PRRG4: variants seen among roughly 807,000 people sequenced by gnomAD.
PRRG4 encodes transmembrane gamma-carboxyglutamic acid protein 4.
In PRRG4, 12 loss-of-function variants were observed where a neutral mutation model predicts 20.0. The observed-to-expected ratio is 0.60, with a 90% CI of 0.38 to 0.97. The LOEUF is 0.97. Among genes scored for constraint, PRRG4 ranks in the 50% least tolerant of loss-of-function variants. The probability of loss-of-function intolerance (pLI) is 0.00; values close to 1 mark genes in which losing one functional copy is unlikely to be tolerated. For missense variants in PRRG4, 199 were observed against 265.1 expected (o/e 0.75, Z 1.73); for synonymous variants, 94 against 96.4 (o/e 0.98, Z 0.15).
chr11:32,849,701 G>C lies in PRRG4; in HGVS notation c.450-3595G>C, dbSNP rs143036358. Among the ~76,000 whole-genome samples the C allele has an allele frequency of 5.9e-3, 900 of 152,054 alleles. 12 individuals carry two copies. Among genetic ancestry groups the C allele is most frequent in the African/African-American group, 0.019 (798 of 41,518 alleles). Reference sequence around the variant, plus strand: ...AAAAATATAAAAAAATAAAGTAAAGGGACAGAAGGGAAAAGGACAAAGCCC... The same window carrying C: ...AAAAATATAAAAAAATAAAGTAAAGCGACAGAAGGGAAAAGGACAAAGCCC... On this transcript the variant is annotated intron_variant, in intron 5 of 5. Coordinates refer to ENST00000257836, the MANE Select transcript of PRRG4 (RefSeq NM_024081.6).
At chr11:32,841,326 A>T (rs1157154913) in intron 5 of PRRG4, among the ~76,000 whole-genome samples, 1 of 152,226 alleles carries the variant, frequency 6.6e-6, no homozygotes, top group African/African-American at 2.4e-5. Flanking sequence ...CTTTCAATTC[A>T]TATCAAGTAA....
At chr11:32,849,659 G>A (rs1323078363) in intron 5 of PRRG4, among the ~76,000 whole-genome samples, 6 of 152,128 alleles carry the variant, frequency 3.9e-5, no homozygotes, top group Admixed American at 6.5e-5. Context: ...GCGAGACTCC[G>A]TCTCAATAAA....
intron 5 of PRRG4, among the ~76,000 whole-genome samples, chr11:32,844,310 T>C (rs1448820024): frequency 6.6e-6 from 1 of 152,156 alleles, no homozygotes; most frequent in African/African-American, 2.4e-5. Flanking sequence ...CATGGGCTAC[T>C]GTATGAATGG....
intron 5 of PRRG4, among the ~76,000 whole-genome samples, chr11:32,851,753 C>T (rs1455486861): frequency 6.6e-6 from 1 of 152,110 alleles, no homozygotes; most frequent in Non-Finnish European, 1.5e-5. Flanking sequence ...GTTATCTATG[C>T]ATTTTTTTCC....
At chr11:32,845,027 G>A (rs924351100) in intron 5 of PRRG4, among the ~76,000 whole-genome samples, 3 of 151,676 alleles carry the variant, frequency 2.0e-5, no homozygotes, top group Non-Finnish European at 4.4e-5. Flanking sequence ...CTTCAAATTT[G>A]GTAGATCTAC....
intron 3 of PRRG4, among the ~76,000 whole-genome samples, chr11:32,838,649 G>C (rs972415319): frequency 5.3e-5 from 8 of 152,092 alleles, no homozygotes; most frequent in Admixed American, 4.6e-4. Context: ...AGTAGGCACA[G>C]TAGTAAAGAG....
intron 5 of PRRG4, among the ~76,000 whole-genome samples, chr11:32,843,031 C>T (rs181410832): frequency 2.0e-3 from 297 of 151,836 alleles, no homozygotes; most frequent in Non-Finnish European, 3.5e-3. Flanking sequence ...TTTGTAGAGA[C>T]GGGGTTTCAC....
Position 32,836,702 on chromosome 11 carries a change from C to T in PRRG4, c.148C>T (p.Leu50Phe). 2 of 1,607,382 alleles carry T rather than the reference C, an allele frequency of 1.2e-6. No homozygotes were observed. Among genetic ancestry groups the T allele is most frequent in the Non-Finnish European group, 1.7e-6 (2 of 1,174,512 alleles). Reference protein sequence around the residue: ...EEANFFIHRRLLYNRFDLELF... With the variant: ...EEANFFIHRRFLYNRFDLELF... ...AGCAAACTTTTTCATACATAGACGC[C>T]TTCTGTATAATAGATTTGATCTGGA... is the stretch of plus-strand genomic sequence containing the variant. The change falls in exon 3 of 6, where the codon CTT becomes TTT. Residue 50 changes from leucine (L) to phenylalanine (F), a missense_variant. Coordinates refer to ENST00000257836, the MANE Select transcript of PRRG4 (RefSeq NM_024081.6).
chr11:32,845,332 T>G (rs368813241), intron 5 of PRRG4, among the ~76,000 whole-genome samples: 1 of 152,096 alleles, frequency 6.6e-6, no homozygotes, highest in African/African-American at 2.4e-5. Flanking sequence ...ACTTGTAAGA[T>G]AGAGAACACT....
In PRRG4 at chr11:32,837,525, TGA is replaced by T. The variant is rs1565113759; in HGVS notation, c.267+705_267+706del. ...CTAACTGAGATGATGATGATGATGATGATGATGATGATGATGATTATTATTAT... is the reference window on the plus strand; with the variant it reads ...CTAACTGAGATGATGATGATGATGATTGATGATGATGATGATTATTATTAT... On this transcript the variant is annotated intron_variant, in intron 3 of 5. Coordinates refer to ENST00000257836, the MANE Select transcript of PRRG4 (RefSeq NM_024081.6). 1.4e-3 allele frequency among the ~76,000 whole-genome samples: 154 copies of T among 110,528 alleles called. 1 individual carries two copies. The highest frequency in any genetic ancestry group is 5.0e-3 in the African/African-American group (140 of 27,744). The allele number at this position is 110,528 out of a possible 152,430, so 72.5% of individuals were successfully genotyped here. A position where few individuals can be genotyped will look rare whatever the true frequency, so the allele number is the denominator to read the frequency against.
chr11:32,846,007 A>T (rs1273829142), intron 5 of PRRG4, among the ~76,000 whole-genome samples: 1 of 151,984 alleles, frequency 6.6e-6, no homozygotes, highest in East Asian at 1.9e-4. Context: ...ATACAAAAAA[A>T]ATTAGCCAGG....
chr11:32,830,479 T>A, intron 1 of PRRG4, 29 bp from the exon 2 acceptor site: 1 of 1,431,986 alleles, frequency 7.0e-7, no homozygotes, highest in Non-Finnish European at 9.2e-7. Flanking sequence ...GGGCCTTTTT[T>A]TTTTAATATT....
intron 4 of PRRG4, 38 bp downstream of exon 4, chr11:32,838,968 T>A: frequency 6.9e-7 from 1 of 1,446,326 alleles, no homozygotes; most frequent in Non-Finnish European, 9.7e-7. Context: ...GCTTTTCTCA[T>A]CCTCTCTCTG....
intron 5 of PRRG4, among the ~76,000 whole-genome samples, chr11:32,848,029 T>C (rs1852973590): frequency 1.3e-5 from 2 of 152,206 alleles, no homozygotes; most frequent in Non-Finnish European, 2.9e-5. Context: ...TGTGCTGCTA[T>C]AGCAGAATAC....
Position 32,830,570 on chromosome 11 carries a change from T to C in PRRG4, c.41T>C (p.Val14Ala). The change falls in exon 2 of 6, where the codon GTT (valine) becomes GCT (alanine). Residue 14 changes from valine to alanine, a missense_variant. Val to Ala is a moderately conservative substitution (Grantham distance 64). Transcript: ENST00000257836. ...GTTCTACTCAGCCAACTGCCCACAG[T>C]TACCCTGGGGTTTCCTCATTGCGCA... Reference protein sequence around the residue: ...LLVLLSQLPTVTLGFPHCARG... With the variant: ...LLVLLSQLPTATLGFPHCARG... 1 of 1,609,570 alleles carries C rather than the reference T, an allele frequency of 6.2e-7. No individual in the cohort carries two copies. The highest frequency in any genetic ancestry group is 1.1e-5 in the South Asian group (1 of 90,128).
chr11:32,838,406 T>C (rs61395716), intron 3 of PRRG4, among the ~76,000 whole-genome samples: 1 of 151,496 alleles, frequency 6.6e-6, no homozygotes, highest in South Asian at 2.1e-4. Context: ...CAGTGAGCCA[T>C]GATCACACCA....
At chr11:32,835,378 G>A (rs1851011669) in intron 2 of PRRG4, among the ~76,000 whole-genome samples, 1 of 152,230 alleles carries the variant, frequency 6.6e-6, no homozygotes, top group Admixed American at 6.5e-5. Context: ...ATGGTGAGCA[G>A]TGAAAAGTAT....
rs541840147 is a variant in PRRG4, at chr11:32,853,535, G to C, written c.*8G>C. On this transcript the variant is annotated 3_prime_UTR_variant, in exon 6 of 6. Coordinates refer to ENST00000257836, the MANE Select transcript of PRRG4 (RefSeq NM_024081.6). Reference sequence around the variant, plus strand: ...TCTCTCCCATCTCACTGACTACCTTGTCATTTTGGTATAAGAAATTTGTGT... The same window carrying C: ...TCTCTCCCATCTCACTGACTACCTTCTCATTTTGGTATAAGAAATTTGTGT... The C allele has an allele frequency of 1.2e-6, 2 of 1,600,474 alleles. No individual in the cohort carries two copies. Among genetic ancestry groups the C allele is most frequent in the African/African-American group, 1.3e-5 (1 of 74,770 alleles).
Position 32,856,124 on chromosome 11 carries a change from A to G in PRRG4, c.*2597A>G, listed in dbSNP as rs991240417. On this transcript the variant is annotated 3_prime_UTR_variant, in exon 6 of 6. Coordinates refer to ENST00000257836, the MANE Select transcript of PRRG4 (RefSeq NM_024081.6). ...TTCTCATATACATATGAAAATATTT[A>G]TGATGAATAGAATTATAAGATATGT... 1.3e-5 allele frequency: 2 copies of G among 152,212 alleles called. No individual in the cohort carries two copies. The highest frequency in any genetic ancestry group is 2.9e-5 in the Non-Finnish European group (2 of 68,042). The allele number at this position is 152,212 out of a possible 1,614,324, so 9.4% of individuals were successfully genotyped here.
Sources: allele counts gnomAD v4.1 joint callset (sites outside exome capture counted in the v4.1 genomes callset), GRCh38; gene constraint gnomAD v4.1.1; transcripts MANE v1.5; gene names NCBI Gene and HGNC (gene_info 2026-07-23, HGNC 2026-07-21).